Variants in TM9SF4 observed in about 807,000 individuals in gnomAD.
TM9SF4 encodes transmembrane 9 superfamily member 4, also known as dinucleotide oxidase disulfide thiol exchanger 3 superfamily member 4.
TM9SF4 carries 26 observed loss-of-function variants against 90.4 expected under a neutral mutation model. The observed-to-expected ratio is 0.29, with a 90% CI of 0.21 to 0.40. TM9SF4 has a LOEUF of 0.40. Ranked by LOEUF, TM9SF4 falls within the 10% of genes least tolerant of loss-of-function variation. TM9SF4 has a pLI of 1.00. For missense variants in TM9SF4, 549 were observed against 834.8 expected, an observed-to-expected ratio of 0.66 and a Z score of 4.22; for synonymous variants, 293 against 315.4, an observed-to-expected ratio of 0.93 and a Z score of 0.75.
At chr20:32,109,825 A>C in intron 1 of TM9SF4, 70 bp downstream of exon 1, 1 of 1,549,734 alleles carries the variant, frequency 6.5e-7, no homozygotes. Flanking sequence ...ATCTTCCAGC[A>C]CCCCATGCCT....
At chr20:32,158,048 A>G in intron 14 of TM9SF4, 79 bp downstream of exon 14, 2 of 1,560,086 alleles carry the variant, frequency 1.3e-6, no homozygotes, top group South Asian at 1.2e-5. Context: ...GGGTGCGGCA[A>G]CCAGAGTTCC....
chr20:32,111,701 G>C (rs116801262), intron 1 of TM9SF4, among the ~76,000 whole-genome samples: 1 of 152,314 alleles, frequency 6.6e-6, no homozygotes, highest in African/African-American at 2.4e-5. Flanking sequence ...TCTTCTCAGA[G>C]GAGGTGACTT....
intron 1 of TM9SF4, among the ~76,000 whole-genome samples, chr20:32,118,066 C>T (rs1316474824): frequency 2.0e-5 from 3 of 152,196 alleles, no homozygotes; most frequent in African/African-American, 7.2e-5. Flanking sequence ...CAAACATCCT[C>T]TATCAGGCTA....
intron 5 of TM9SF4, 23 bp from the exon 6 acceptor site, chr20:32,142,948 GTTCTGTTGTGC>G: frequency 1.9e-6 from 3 of 1,609,754 alleles, no homozygotes; most frequent in Non-Finnish European, 2.5e-6. Flanking sequence ...CCTAAGTGAT[GTTCTGTTGTGC>G]TTTCTCTGTT....
At chr20:32,156,039 AAAG>A (rs2046914983) in intron 13 of TM9SF4, among the ~76,000 whole-genome samples, 1 of 152,198 alleles carries the variant, frequency 6.6e-6, no homozygotes, top group Admixed American at 6.5e-5. Context: ...CAGAGAAGTT[AAAG>A]AAGAAATTTA....
At chr20:32,157,671 A>T in intron 13 of TM9SF4, 123 bp from the exon 14 acceptor site, 1 of 1,258,318 alleles carries the variant, frequency 7.9e-7, no homozygotes, top group Non-Finnish European at 1.1e-6. Flanking sequence ...GGGGGCAGGG[A>T]GTGTGCTTCT....
At position 32,150,663 on chromosome 20, in the gene TM9SF4, G is replaced by T; in HGVS notation, c.1129G>T (p.Ala377Ser). The change falls in exon 11 of 18, where the codon GCT (alanine) becomes TCT (serine). Residue 377 changes from alanine to serine, a missense_variant. Coordinates refer to ENST00000398022, the MANE Select transcript of TM9SF4 (RefSeq NM_014742.4). Reference sequence around the variant, plus strand: ...GATGCTGTCGCCCTCCAGCCGGGGAGCTCTCATGACCACAGCCTGCTTCCT... The same window carrying T: ...GATGCTGTCGCCCTCCAGCCGGGGATCTCTCATGACCACAGCCTGCTTCCT... ...LGMLSPSSRGALMTTACFLFM... is the reference protein window; with the variant it reads ...LGMLSPSSRGSLMTTACFLFM... 1 of 1,614,204 alleles carries T rather than the reference G, an allele frequency of 6.2e-7. No individual in the cohort carries two copies. Among genetic ancestry groups the T allele is most frequent in the South Asian group, 1.1e-5 (1 of 91,090 alleles).
At chr20:32,151,808 A>G (rs1053667934) in intron 12 of TM9SF4, among the ~76,000 whole-genome samples, 1 of 151,196 alleles carries the variant, frequency 6.6e-6, no homozygotes, top group Non-Finnish European at 1.5e-5. Flanking sequence ...CAGCCTCCCG[A>G]GTAGCTGGGA....
intron 2 of TM9SF4, among the ~76,000 whole-genome samples, chr20:32,134,441 C>T (rs1288403847): frequency 6.6e-6 from 1 of 152,204 alleles, no homozygotes; most frequent in Non-Finnish European, 1.5e-5. Flanking sequence ...TTAATCCCTG[C>T]AGTTTCACAC....
chr20:32,158,022 C>T (rs1002293584), intron 14 of TM9SF4, 53 bp downstream of exon 14: 2 of 1,598,762 alleles, frequency 1.3e-6, no homozygotes, highest in African/African-American at 1.3e-5. Flanking sequence ...GGGTACGCCC[C>T]CCTCCGCCAC....
chr20:32,143,201 T>C (rs2046706468), intron 6 of TM9SF4, 96 bp downstream of exon 6: 17 of 1,469,078 alleles, frequency 1.2e-5, no homozygotes, highest in African/African-American at 9.7e-5. Context: ...AGCTGGCCGA[T>C]GGGCTCGGGT....
intron 1 of TM9SF4, among the ~76,000 whole-genome samples, chr20:32,115,996 A>AT (rs1380100098): frequency 6.6e-6 from 1 of 150,932 alleles, no homozygotes; most frequent in Non-Finnish European, 1.5e-5. Flanking sequence ...TAATTTTTGT[A>AT]TTTTTAGTAA....
chr20:32,164,578 G>T (rs912954543), intron 17 of TM9SF4, among the ~76,000 whole-genome samples: 8 of 152,278 alleles, frequency 5.3e-5, no homozygotes, highest in Middle Eastern at 3.4e-3. Flanking sequence ...CACCCCTTAG[G>T]CTTAGGAGAG....
chr20:32,115,468 A>G (rs1017255521), intron 1 of TM9SF4, among the ~76,000 whole-genome samples: 1 of 152,182 alleles, frequency 6.6e-6, no homozygotes, highest in African/African-American at 2.4e-5. Context: ...TCCCTGAACC[A>G]TTTGCTGACA....
intron 1 of TM9SF4, among the ~76,000 whole-genome samples, chr20:32,130,506 C>G (rs1384908214): frequency 6.6e-6 from 1 of 152,154 alleles, no homozygotes; most frequent in Non-Finnish European, 1.5e-5. Context: ...ACCAATGACA[C>G]ATGAGGGTTG....
At chr20:32,163,715 G>T (rs1036352006) in intron 17 of TM9SF4, among the ~76,000 whole-genome samples, 3 of 149,764 alleles carry the variant, frequency 2.0e-5, no homozygotes, top group Non-Finnish European at 4.4e-5. Context: ...GGGTTCCAGC[G>T]ATTCTCCTGC....
intron 17 of TM9SF4, 85 bp from the exon 18 acceptor site, chr20:32,165,210 T>G: frequency 1.7e-5 from 27 of 1,567,922 alleles, no homozygotes; most frequent in Non-Finnish European, 2.3e-5. Context: ...AGTTTCCCCA[T>G]GATATCAGTG....
intron 1 of TM9SF4, among the ~76,000 whole-genome samples, chr20:32,121,666 A>C (rs2046310094): frequency 6.6e-6 from 1 of 152,154 alleles, no homozygotes; most frequent in East Asian, 1.9e-4. Context: ...CCGCCTCTCC[A>C]TTCCACAAAG....
rs1456886364 is a variant in TM9SF4 at position 32,155,200 on chromosome 20, C to G, written c.1329+14C>G. On this transcript the variant is annotated intron_variant, in intron 13 of 17. Coordinates refer to ENST00000398022, the MANE Select transcript of TM9SF4 (RefSeq NM_014742.4). ...TCATCAGGAGCGGTAAGTGCCTCCC[C>G]TACCCTTCCAGCCCCTCCCCAGCAA... 1.9e-6 allele frequency: 3 copies of G among 1,609,484 alleles called. No homozygotes were observed. Among genetic ancestry groups the G allele is most frequent in the Non-Finnish European group, 2.6e-6 (3 of 1,175,758 alleles).
Sources: gnomAD v4.1 joint callset for allele counts (sites outside exome capture counted in the v4.1 genomes callset) on GRCh38, gnomAD v4.1.1 for gene constraint, MANE v1.5 for transcripts, NCBI Gene and HGNC (gene_info 2026-07-23, HGNC 2026-07-21) for gene names.